The following RGS11 variants were observed in gnomAD, a reference collection of about 807,000 sequenced individuals.
The protein encoded by RGS11 is regulator of G protein signaling 11.
In RGS11, 86 loss-of-function variants were observed where a neutral mutation model predicts 71.1. The observed-to-expected ratio is 1.21, with a 90% confidence interval of 1.02 to 1.45. RGS11 has a LOEUF of 1.45. Among genes scored for constraint, RGS11 ranks in the 40% most tolerant of loss-of-function variants. RGS11 has a pLI of 0.00. For synonymous variants in RGS11, 298 were observed against 254.2 expected, an observed-to-expected ratio of 1.17 and a Z score of -1.64; for missense variants, 734 against 635.1, an observed-to-expected ratio of 1.16 and a Z score of -1.67.
rs1403745488 is a variant in RGS11, at chr16:268,917, G to A, written c.*352C>T. 1.5e-5 allele frequency: 24 copies of A among 1,550,544 alleles called. No individual in the cohort carries two copies. Among genetic ancestry groups the A allele is most frequent in the Non-Finnish European group, 2.1e-5 (24 of 1,146,994 alleles). ...CCGGGTATTCGCTGGCTGATTTACTGGTTTTAGAGATGGGGATGGGCACCC... is the reference window on the plus strand; with the variant it reads ...CCGGGTATTCGCTGGCTGATTTACTAGTTTTAGAGATGGGGATGGGCACCC... On this transcript the variant is annotated 3_prime_UTR_variant, in exon 17 of 17. Coordinates refer to ENST00000397770, the MANE Select transcript of RGS11 (RefSeq NM_183337.3).
rs1003901451 is a variant in RGS11, at chr16:268,949, G to A, written c.*320C>T. The A allele has an allele frequency of 2.1e-5, 33 of 1,550,116 alleles. No individual in the cohort carries two copies. The highest frequency in any genetic ancestry group is 2.9e-5 in the Non-Finnish European group (33 of 1,146,590). ...GAGATGGGGATGGGCACCCAGTGCT[G>A]GACTGAAGACCAGAGAAGGTGGAGC... is the stretch of plus-strand genomic sequence containing the variant. On this transcript the variant is annotated 3_prime_UTR_variant, in exon 17 of 17. Coordinates refer to ENST00000397770, the MANE Select transcript of RGS11 (RefSeq NM_183337.3).
Position 270,513 on chromosome 16 carries a change from C to G in RGS11, c.1206+10G>C. ...CCCCTCCTGCCCCTGCAGGCTGGCCCAGCACCCACCTTCTTCATGAGCATG... is the reference window on the plus strand; with the variant it reads ...CCCCTCCTGCCCCTGCAGGCTGGCCGAGCACCCACCTTCTTCATGAGCATG... On this transcript the variant is annotated intron_variant, in intron 15 of 16. Coordinates refer to ENST00000397770, the MANE Select transcript of RGS11 (RefSeq NM_183337.3). 6.3e-7 allele frequency: 1 copy of G among 1,598,128 alleles called. No individual in the cohort carries two copies. Among genetic ancestry groups the G allele is most frequent in the African/African-American group, 1.3e-5 (1 of 74,888 alleles).
At chr16:273,918 T>G in intron 6 of RGS11, 82 bp from the exon 7 acceptor site, 1 of 1,493,236 alleles carries the variant, frequency 6.7e-7, no homozygotes, top group South Asian at 1.1e-5. Flanking sequence ...GGTTGGGGAC[T>G]GTCTTGGGTT....
At chr16:269,477 G>A (rs761574229) in intron 16 of RGS11, 26 bp downstream of exon 16, 12 of 1,609,998 alleles carry the variant, frequency 7.5e-6, no homozygotes, top group African/African-American at 1.3e-5. Flanking sequence ...CACAGCCGCC[G>A]GCCACAGGGC....
rs776396825 is a variant in RGS11, at chr16:270,844, G to A, written c.980-13C>T. 7.2e-5 allele frequency: 116 copies of A among 1,607,744 alleles called. No homozygotes were observed. Among genetic ancestry groups the A allele is most frequent in the Admixed American group, 3.9e-4 (23 of 59,192 alleles). ...CTGAGGTTTTCTCCTGGGGGGCCGGGCACCCAGTCAAGGATCCCATCGAGA... is the reference window on the plus strand; with the variant it reads ...CTGAGGTTTTCTCCTGGGGGGCCGGACACCCAGTCAAGGATCCCATCGAGA... On this transcript the variant is annotated splice_polypyrimidine_tract_variant and intron_variant, in intron 13 of 16. Transcript: ENST00000397770.
At chr16:269,889 C>A in intron 15 of RGS11, 1 of 341,472 alleles carries the variant, frequency 2.9e-6, no homozygotes, top group African/African-American at 2.1e-5. Context: ...TCCGTGTGCC[C>A]CACAGAGTGA....
At position 275,034 on chromosome 16, in the gene RGS11, G is replaced by C. The variant is rs367699875; in HGVS notation, c.260C>G (p.Pro87Arg). The C allele has an allele frequency of 1.3e-6, 2 of 1,505,090 alleles. No individual in the cohort carries two copies. Among genetic ancestry groups the C allele is most frequent in the Admixed American group, 2.1e-5 (1 of 46,724 alleles). 93.2% of individuals were successfully genotyped at this position (1,505,090 alleles called of 1,614,324 possible). A position where few individuals can be genotyped will look rare whatever the true frequency, so the allele number is the denominator to read the frequency against. The change falls in exon 4 of 17, where the codon CCG becomes CGG. Residue 87 changes from proline (P) to arginine (R), a missense_variant. Transcript: ENST00000397770. ...AVLVQHGYIY[P>R]LRDPRSLMLR... Reference sequence around the variant, plus strand: ...CATGAGGCTACGGGGGTCGCGCAGCGGGTAGATGTAGCCATGCTGCACCAG... The same window carrying C: ...CATGAGGCTACGGGGGTCGCGCAGCCGGTAGATGTAGCCATGCTGCACCAG...
chr16:275,855 C>A lies in RGS11; in HGVS notation c.57G>T (p.Leu19=). Residue 19 remains leucine (L), a synonymous_variant, in exon 1 of 17, where the codon CTG becomes CTT. Coordinates refer to ENST00000397770, the MANE Select transcript of RGS11 (RefSeq NM_183337.3). ...PGRPRAQMPH[L]RKMERVVVSM... Reference sequence around the variant, plus strand: ...ACACCCACCCGCCTCGCACCTTCCTCAGATGCGGCATCTGCGCCCGGGGGC... The same window carrying A: ...ACACCCACCCGCCTCGCACCTTCCTAAGATGCGGCATCTGCGCCCGGGGGC... 1 of 1,059,446 alleles carries A rather than the reference C, an allele frequency of 9.4e-7. No individual in the cohort carries two copies. Among genetic ancestry groups the A allele is most frequent in the South Asian group, 4.1e-5 (1 of 24,638 alleles). The allele number at this position is 1,059,446 out of a possible 1,614,324, so 65.6% of individuals were successfully genotyped here. A position where few individuals can be genotyped will look rare whatever the true frequency, so the allele number is the denominator to read the frequency against.
Position 268,762 on chromosome 16 carries a change from G to A in RGS11, c.*507C>T, listed in dbSNP as rs75586002. On this transcript the variant is annotated 3_prime_UTR_variant, in exon 17 of 17. Coordinates refer to ENST00000397770, the MANE Select transcript of RGS11 (RefSeq NM_183337.3). ...GGCAGCCTCAGCACGGCACTCTCTT[G>A]GGTCCTCTTCCAGGCTCACACTGGG... is the stretch of plus-strand genomic sequence containing the variant. 5,964 of 1,548,922 alleles carry A rather than the reference G, an allele frequency of 3.9e-3. 261 individuals are homozygous for A. In the East Asian group the frequency reaches 0.1, roughly 26 times the overall value.
At chr16:270,468 T>G in intron 15 of RGS11, 55 bp downstream of exon 15, 2 of 1,529,772 alleles carry the variant, frequency 1.3e-6, no homozygotes, top group South Asian at 1.2e-5. Flanking sequence ...GGTGGGGACA[T>G]GGAGGCCCGT....
Position 272,353 on chromosome 16 carries a change from T to C in RGS11, c.657+510A>G, listed in dbSNP as rs899120266. 7.0e-6 allele frequency: 9 copies of C among 1,289,936 alleles called. No homozygotes were observed. In the African/African-American group the frequency reaches 1.4e-4, roughly 20 times the overall value. The allele number at this position is 1,289,936 out of a possible 1,614,324, so 79.9% of individuals were successfully genotyped here. On this transcript the variant is annotated intron_variant, in intron 9 of 16. Coordinates refer to ENST00000397770, the MANE Select transcript of RGS11 (RefSeq NM_183337.3). ...ATGGGGAAATGTTAGGGTCGTGAAC[T>C]TAAGAAGTTTTATCAGTGAGGTTCT...
Position 268,808 on chromosome 16 carries a change from G to C in RGS11, c.*461C>G, listed in dbSNP as rs982130919. ...CTGGGCGACAGCGGAGAGGCTCTTGGACGGGGCAGAGCTCGCGCCGAGACC... is the reference window on the plus strand; with the variant it reads ...CTGGGCGACAGCGGAGAGGCTCTTGCACGGGGCAGAGCTCGCGCCGAGACC... On this transcript the variant is annotated 3_prime_UTR_variant, in exon 17 of 17. Transcript: ENST00000397770. The C allele has an allele frequency of 1.9e-6, 3 of 1,550,244 alleles. No individual in the cohort carries two copies. In the African/African-American group the frequency reaches 4.1e-5, roughly 21 times the overall value.
chr16:270,014 C>G (rs576840723), intron 15 of RGS11: 1 of 181,192 alleles, frequency 5.5e-6, no homozygotes, highest in South Asian at 1.3e-4. Context: ...CTTTGGGAGG[C>G]TGATGCGGGT....
chr16:274,966 C>T lies in RGS11; in HGVS notation c.318+10G>A, dbSNP rs1292056980. On this transcript the variant is annotated intron_variant, in intron 4 of 16. Coordinates refer to ENST00000397770, the MANE Select transcript of RGS11 (RefSeq NM_183337.3). ...TCCCACCGGCTCCCACCTGCACCCC[C>T]GAGCCTGACCTGGAACCTGTAGGGC... is the stretch of plus-strand genomic sequence containing the variant. The T allele has an allele frequency of 1.3e-6, 2 of 1,541,514 alleles. No homozygotes were observed. Among genetic ancestry groups the T allele is most frequent in the Admixed American group, 2.0e-5 (1 of 50,660 alleles).
intron 1 of RGS11, 80 bp downstream of exon 1, chr16:275,769 G>A (rs1165716815): frequency 1.5e-5 from 4 of 266,992 alleles, no homozygotes; most frequent in South Asian, 2.0e-4. Flanking sequence ...GCGCGCCCCC[G>A]TGTCCCCATG....
chr16:275,702 C>G, intron 1 of RGS11, 147 bp downstream of exon 1: 1 of 444,620 alleles, frequency 2.2e-6, no homozygotes, highest in Non-Finnish European at 3.6e-6. Flanking sequence ...CCAAGGGCCC[C>G]AGGCCTCGCC....
At position 273,515 on chromosome 16, in the gene RGS11, G is replaced by A. The variant is rs189514217; in HGVS notation, c.548C>T (p.Ala183Val). The change falls in exon 8 of 17, where the codon GCG (alanine) becomes GTG (valine). Residue 183 changes from alanine (A) to valine (V), a missense_variant. Transcript: ENST00000397770. ...CAGCCAGTAGGTCTGCTCCTGGCAC[G>A]CAATGACCAGCCTGTCCCCCTTGCT... is the stretch of plus-strand genomic sequence containing the variant. ...QRSKGDRLVI[A>V]CQEQTYWLVN... is the part of the protein sequence containing the mutation. 2.6e-5 allele frequency: 41 copies of A among 1,557,330 alleles called. No individual in the cohort carries two copies. The highest frequency in any genetic ancestry group is 1.5e-4 in the African/African-American group (11 of 73,828).
At chr16:271,823 A>C (rs2051954369) in intron 9 of RGS11, 1 of 566,446 alleles carries the variant, frequency 1.8e-6, no homozygotes, top group South Asian at 2.4e-5. Flanking sequence ...TTGCAACTGT[A>C]ATATGTCATT....
rs202113004 is a variant in RGS11, at chr16:271,010, A to G, written c.953T>C (p.Met318Thr). 23 of 1,612,310 alleles carry G rather than the reference A, an allele frequency of 1.4e-5. No homozygotes were observed. The East Asian group carries it at 4.9e-4, about 34-fold the overall frequency. Residue 318 changes from methionine to threonine, a missense_variant, in exon 13 of 17, where the codon ATG becomes ACG. By Grantham distance (81) the Met-to-Thr change is moderately conservative (BLOSUM62 -1). Transcript: ENST00000397770. ...LEDPVGRAHF[M>T]DFLGKEFSGE... is the part of the protein sequence containing the mutation. The stretch of plus-strand genomic sequence containing the variant: ...ACTGAACTCCTTTCCCAGAAAGTCC[A>G]TGAAGTGGGCCCGCCCCACGGGGTC...
Sources: gnomAD v4.1 joint callset for allele counts on GRCh38, gnomAD v4.1.1 for gene constraint, MANE v1.5 for transcripts, NCBI Gene and HGNC (gene_info 2026-07-23, HGNC 2026-07-21) for gene names.